ST3GAL1: variants seen among roughly 807,000 people sequenced by gnomAD.
The protein encoded by ST3GAL1 is ST3 beta-galactoside alpha-2,3-sialyltransferase 1.
ST3GAL1 carries 16 observed loss-of-function variants against 34.1 expected under a neutral mutation model. The observed-to-expected ratio is 0.47, with a 90% CI of 0.32 to 0.71. ST3GAL1 has a LOEUF of 0.71. Ranked by LOEUF, ST3GAL1 falls within the 30% of genes least tolerant of loss-of-function variation. ST3GAL1 has a pLI of 0.04. For missense variants in ST3GAL1, 353 were observed against 447.4 expected, an observed-to-expected ratio of 0.79 and a Z score of 1.90; for synonymous variants, 191 against 184.7, an observed-to-expected ratio of 1.03 and a Z score of -0.28.
intron 2 of ST3GAL1, among the ~76,000 whole-genome samples, chr8:133,514,919 C>T (rs1484309833): frequency 6.6e-6 from 1 of 152,150 alleles, no homozygotes; most frequent in Non-Finnish European, 1.5e-5. Context: ...CATGTGCCGT[C>T]CTCCGATGGC....
intron 2 of ST3GAL1, among the ~76,000 whole-genome samples, chr8:133,540,872 T>TATATATAGAGACATATATATAGAGAC (rs1818466903): frequency 8.1e-6 from 1 of 124,078 alleles, no homozygotes. Context: ...TATAGAGACA[T>TATATATAGAGACATATATATAGAGAC]ATATATAGAG....
intron 3 of ST3GAL1, among the ~76,000 whole-genome samples, chr8:133,488,752 C>A (rs931037393): frequency 2.6e-5 from 4 of 152,196 alleles, no homozygotes; most frequent in Admixed American, 2.6e-4. Context: ...AGTGTGAGAG[C>A]CTCCCAGGCA....
intron 2 of ST3GAL1, among the ~76,000 whole-genome samples, chr8:133,510,276 G>A (rs1291004716): frequency 1.3e-5 from 2 of 152,136 alleles, no homozygotes; most frequent in African/African-American, 4.8e-5. Flanking sequence ...ACTTCCCAAA[G>A]TGCTTCTCTG....
At chr8:133,532,857 C>T (rs1174208624) in intron 2 of ST3GAL1, among the ~76,000 whole-genome samples, 1 of 152,176 alleles carries the variant, frequency 6.6e-6, no homozygotes, top group Non-Finnish European at 1.5e-5. Flanking sequence ...ATGCTCCTCC[C>T]CAGCGTGGAG....
At chr8:133,536,721 A>T (rs1818322273) in intron 2 of ST3GAL1, among the ~76,000 whole-genome samples, 1 of 152,148 alleles carries the variant, frequency 6.6e-6, no homozygotes, top group Admixed American at 6.5e-5. Context: ...CTCAGCCTTT[A>T]CGATGGGCCA....
intron 3 of ST3GAL1, among the ~76,000 whole-genome samples, chr8:133,486,655 G>A (rs1235735355): frequency 2.0e-5 from 3 of 152,166 alleles, no homozygotes; most frequent in African/African-American, 7.2e-5. Context: ...GCAGGACTGG[G>A]GTGGACATTT....
intron 1 of ST3GAL1, among the ~76,000 whole-genome samples, chr8:133,551,600 AAGAAAGAAAG>A (rs1818861397): frequency 6.8e-6 from 1 of 148,030 alleles, no homozygotes; most frequent in Non-Finnish European, 1.5e-5. Flanking sequence ...GAAAGAAAGA[AAGAAAGAAAG>A]AAAGAAAGAG....
chr8:133,520,972 T>TTTTA, intron 2 of ST3GAL1, among the ~76,000 whole-genome samples: 1 of 113,728 alleles, frequency 8.8e-6, no homozygotes, highest in African/African-American at 3.5e-5. Flanking sequence ...TTTTTTTTTT[T>TTTTA]GAGACAGTCT....
At chr8:133,509,972 T>C (rs1014804035) in intron 2 of ST3GAL1, among the ~76,000 whole-genome samples, 4 of 150,336 alleles carry the variant, frequency 2.7e-5, no homozygotes, top group East Asian at 2.0e-4. Context: ...GGCAGGAGAA[T>C]TGCTTGAACC....
intron 2 of ST3GAL1, among the ~76,000 whole-genome samples, chr8:133,540,748 TATATATATATATAG>T (rs1818447010): frequency 3.5e-5 from 2 of 56,378 alleles, no homozygotes; most frequent in Non-Finnish European, 6.4e-5. Context: ...TATATAGACA[TATATATATATATAG>T]ACATATATAT....
intron 2 of ST3GAL1, among the ~76,000 whole-genome samples, chr8:133,541,116 T>G (rs199631204): frequency 0.29 from 14,093 of 47,926 alleles, 2,815 homozygotes; most frequent in Middle Eastern, 0.38. Context: ...TATATATATA[T>G]ATATAGAGAG....
Position 133,506,169 on chromosome 8 carries a change from G to A in ST3GAL1, c.-428-6980C>T, listed in dbSNP as rs114007898. Reference sequence around the variant, plus strand: ...TGCTGACCGAGAAGTAGAGAGCACAGGTTCTGGGCCAGACTGACTTGCATT... The same window carrying A: ...TGCTGACCGAGAAGTAGAGAGCACAAGTTCTGGGCCAGACTGACTTGCATT... On this transcript the variant is annotated intron_variant, in intron 2 of 9. Coordinates refer to ENST00000522652, the MANE Select transcript of ST3GAL1 (RefSeq NM_173344.3). Among the ~76,000 whole-genome samples, 454 of 152,312 alleles carry A rather than the reference G, an allele frequency of 3.0e-3. 3 individuals are homozygous for A. Among genetic ancestry groups the A allele is most frequent in the African/African-American group, 0.011 (440 of 41,564 alleles).
At chr8:133,525,813 T>C (rs1463033236) in intron 2 of ST3GAL1, among the ~76,000 whole-genome samples, 1 of 151,866 alleles carries the variant, frequency 6.6e-6, no homozygotes, top group Non-Finnish European at 1.5e-5. Context: ...AAAATCAGAG[T>C]GGACACTGGG....
Position 133,459,834 on chromosome 8 carries a change from G to C in ST3GAL1, c.953C>G (p.Ala318Gly). Residue 318 changes from alanine (A) to glycine (G), a missense_variant, in exon 10 of 10, where the codon GCA (alanine) becomes GGA (glycine). By Grantham distance (60) the Ala-to-Gly change is moderately conservative (BLOSUM62 0). Transcript: ENST00000522652. The surrounding 1 kb of genome is among the most constrained non-coding windows in gnomAD (Gnocchi z 4.7). ...GGCCGTCACGTTAGACTCAAAGTCT[G>C]CATCGTGCACCCCCGTCTTGCGAAA... ...GAFRKTGVHD[A>G]DFESNVTATL... is the part of the protein sequence containing the mutation. 1.2e-6 allele frequency: 2 copies of C among 1,614,112 alleles called. No individual in the cohort carries two copies. Among genetic ancestry groups the C allele is most frequent in the Non-Finnish European group, 1.7e-6 (2 of 1,180,004 alleles).
chr8:133,546,386 G>C (rs1205415359), intron 1 of ST3GAL1, among the ~76,000 whole-genome samples: 1 of 151,816 alleles, frequency 6.6e-6, no homozygotes, highest in Admixed American at 6.6e-5. Flanking sequence ...GGGAGGCTGA[G>C]GCAGGAGAAT....
chr8:133,531,869 G>C (rs1360037993), intron 2 of ST3GAL1, among the ~76,000 whole-genome samples: 1 of 145,486 alleles, frequency 6.9e-6, no homozygotes, highest in East Asian at 2.0e-4. Flanking sequence ...ACTGCGGTTC[G>C]TAAAACTACG....
In ST3GAL1 at chr8:133,461,448, G is replaced by A. The variant is rs1815498518; in HGVS notation, c.849+427C>T. 6.6e-6 allele frequency among the ~76,000 whole-genome samples: 1 copy of A among 152,152 alleles called. No individual in the cohort carries two copies. The highest frequency in any genetic ancestry group is 1.5e-5 in the Non-Finnish European group (1 of 68,016). On this transcript the variant is annotated intron_variant, in intron 9 of 9. Transcript: ENST00000522652. This position sits in a 1 kb window ranked among gnomAD's most constrained non-coding sequence, Gnocchi z 4.7. The stretch of plus-strand genomic sequence containing the variant: ...ACCTCGGTAGACAGTGGAACCCCTG[G>A]GTACCTGGCTCCCATTAATTCTGGT...
intron 2 of ST3GAL1, among the ~76,000 whole-genome samples, chr8:133,521,587 GC>G (rs1394792219): frequency 6.6e-6 from 1 of 152,128 alleles, no homozygotes; most frequent in Non-Finnish European, 1.5e-5. Flanking sequence ...GTGAAACACC[GC>G]CCCCAGGCCT....
At chr8:133,523,611 C>G (rs1817874360) in intron 2 of ST3GAL1, among the ~76,000 whole-genome samples, 1 of 152,220 alleles carries the variant, frequency 6.6e-6, no homozygotes, top group South Asian at 2.1e-4. Context: ...TGTGACAAAG[C>G]AAAGTCGACT....
Sources: allele counts gnomAD v4.1 joint callset (sites outside exome capture counted in the v4.1 genomes callset), GRCh38; gene constraint gnomAD v4.1.1; non-coding constraint Gnocchi (gnomAD v3.1); transcripts MANE v1.5; gene names NCBI Gene and HGNC (gene_info 2026-07-23, HGNC 2026-07-21).